The following IGSF10 variants were observed in gnomAD, a reference collection of about 807,000 sequenced individuals.
IGSF10 encodes immunoglobulin superfamily member 10.
In IGSF10, 126 loss-of-function variants were observed where a neutral mutation model predicts 128.2. The ratio of observed to expected loss-of-function variants is 0.98; its 90% CI spans 0.85 to 1.14. IGSF10 has a LOEUF of 1.14. IGSF10 is among the 50% of genes most tolerant of loss of function. IGSF10 has a pLI of 0.00. For missense variants in IGSF10, 3,295 were observed against 3,149.8 expected (o/e 1.05, Z -1.10); for synonymous variants, 1,185 against 1,146.2 (o/e 1.03, Z -0.68).
At chr3:151,613,095 T>C in the IGSF10 span, among the ~76,000 whole-genome samples, 1 of 152,164 alleles carries the variant, frequency 6.6e-6, no homozygotes, top group African/African-American at 2.4e-5. Context: ...TCATAATTGC[T>C]TCAAAGAGAA....
the IGSF10 span, among the ~76,000 whole-genome samples, chr3:151,590,354 A>T: frequency 1.6e-3 from 239 of 150,194 alleles, no homozygotes; most frequent in Middle Eastern, 3.4e-3. Flanking sequence ...TGAGTAATTT[A>T]AAAAAAAATG....
the IGSF10 span, among the ~76,000 whole-genome samples, chr3:151,542,997 A>G: frequency 6.6e-6 from 1 of 152,196 alleles, no homozygotes; most frequent in African/African-American, 2.4e-5. Flanking sequence ...TCGTCTATTG[A>G]TATTTTTGTT....
At chr3:151,524,151 A>G in the IGSF10 span, among the ~76,000 whole-genome samples, 1 of 152,178 alleles carries the variant, frequency 6.6e-6, no homozygotes, top group Non-Finnish European at 1.5e-5. Flanking sequence ...GAGGTTGCAG[A>G]GAAAAGGGAA....
At chr3:151,563,541 T>G in the IGSF10 span, among the ~76,000 whole-genome samples, 131 of 152,276 alleles carry the variant, frequency 8.6e-4, no homozygotes, top group African/African-American at 3.1e-3. Flanking sequence ...AGCCATCAGA[T>G]ACTCAATTGT....
At chr3:151,491,984 G>C in the IGSF10 span, among the ~76,000 whole-genome samples, 2 of 77,522 alleles carry the variant, frequency 2.6e-5, no homozygotes, top group East Asian at 7.9e-4. Context: ...CAAAACCTCA[G>C]ACCACAAAAG....
chr3:151,588,604 C>G, the IGSF10 span, among the ~76,000 whole-genome samples: 1 of 152,120 alleles, frequency 6.6e-6, no homozygotes, highest in Non-Finnish European at 1.5e-5. Context: ...ACGGTGTATA[C>G]AATTTATGAC....
chr3:151,579,884 AAGG>A, the IGSF10 span, among the ~76,000 whole-genome samples: 48 of 150,918 alleles, frequency 3.2e-4, no homozygotes, highest in East Asian at 2.1e-3. Flanking sequence ...GAAAGGAAGG[AAGG>A]AAGGAAGGAA....
chr3:151,479,894 A>C, the IGSF10 span, among the ~76,000 whole-genome samples: 1 of 152,118 alleles, frequency 6.6e-6, no homozygotes, highest in Non-Finnish European at 1.5e-5. Flanking sequence ...ATAGAAACTT[A>C]TTATCATGAA....
At chr3:151,567,202 C>A in the IGSF10 span, among the ~76,000 whole-genome samples, 2 of 152,302 alleles carry the variant, frequency 1.3e-5, no homozygotes, top group Non-Finnish European at 1.5e-5. Flanking sequence ...AAACTTCTAT[C>A]TTCAGTGGTT....
chr3:151,465,903 GCAGT>G (rs892017374), upstream of IGSF10, among the ~76,000 whole-genome samples: 4 of 152,150 alleles, frequency 2.6e-5, no homozygotes, highest in African/African-American at 9.7e-5. Flanking sequence ...GCCAATCCTA[GCAGT>G]CATACTTCAA....
the IGSF10 span, among the ~76,000 whole-genome samples, chr3:151,584,260 A>G: frequency 7.9e-3 from 1,203 of 152,314 alleles, 5 homozygotes; most frequent in Middle Eastern, 0.02. Flanking sequence ...ACATCAGTAT[A>G]TCAAAACCAG....
At chr3:151,573,550 C>T in the IGSF10 span, among the ~76,000 whole-genome samples, 2 of 152,184 alleles carry the variant, frequency 1.3e-5, no homozygotes, top group Non-Finnish European at 1.5e-5. Flanking sequence ...AGGATTGCAA[C>T]CTCTGCTTTT....
the IGSF10 span, among the ~76,000 whole-genome samples, chr3:151,474,894 G>A: frequency 6.6e-6 from 1 of 152,108 alleles, no homozygotes; most frequent in South Asian, 2.1e-4. Context: ...TCACTATCAT[G>A]AGAACAACAT....
chr3:151,452,269 G>A (rs1308261800), intron 5 of IGSF10, among the ~76,000 whole-genome samples: 2 of 152,166 alleles, frequency 1.3e-5, no homozygotes, highest in African/African-American at 4.8e-5. Context: ...ATTTTGTTGT[G>A]CAAACATTAT....
the IGSF10 span, among the ~76,000 whole-genome samples, chr3:151,506,185 C>T: frequency 1.3e-5 from 2 of 152,148 alleles, no homozygotes; most frequent in African/African-American, 4.8e-5. Context: ...GATCTCCTGA[C>T]CTCATGTGCC....
Position 151,447,312 on chromosome 3 carries a change from G to A in IGSF10, c.2669C>T (p.Ser890Leu), listed in dbSNP as rs766191159. 1 of 1,614,088 alleles carries A rather than the reference G, an allele frequency of 6.2e-7. No individual in the cohort carries two copies. The highest frequency in any genetic ancestry group is 1.1e-5 in the South Asian group (1 of 91,094). ...SQIQGTTNQHSSTVFPLLLGA... is the reference protein window; with the variant it reads ...SQIQGTTNQHLSTVFPLLLGA... ...AAGTAGCAGTGGAAAGACAGTGGATGAATGTTGATTGGTTGTGCCTTGTAT... is the reference window on the plus strand; with the variant it reads ...AAGTAGCAGTGGAAAGACAGTGGATAAATGTTGATTGGTTGTGCCTTGTAT... Residue 890 changes from serine (S) to leucine (L), a missense_variant, in exon 6 of 8, where the codon TCA becomes TTA. Coordinates refer to ENST00000282466, the MANE Select transcript of IGSF10 (RefSeq NM_178822.5).
the IGSF10 span, among the ~76,000 whole-genome samples, chr3:151,618,664 A>C: frequency 1.3e-5 from 2 of 151,988 alleles, no homozygotes; most frequent in Non-Finnish European, 2.9e-5. Flanking sequence ...CAGGAGGCGG[A>C]GCTTACAGTG....
At chr3:151,453,344 C>T in intron 5 of IGSF10, 40 bp downstream of exon 5, 1 of 1,501,124 alleles carries the variant, frequency 6.7e-7, no homozygotes, top group Non-Finnish European at 8.9e-7. Flanking sequence ...AGCAGATTTC[C>T]TCCACTTAAT....
chr3:151,612,800 C>A, the IGSF10 span, among the ~76,000 whole-genome samples: 9 of 152,134 alleles, frequency 5.9e-5, no homozygotes, highest in East Asian at 9.6e-4. Flanking sequence ...AGGCAAAGGA[C>A]AGATACTTTT....
Sources: gnomAD v4.1 joint callset for allele counts (sites outside exome capture counted in the v4.1 genomes callset) on GRCh38, gnomAD v4.1.1 for gene constraint, MANE v1.5 for transcripts, NCBI Gene and HGNC (gene_info 2026-07-23, HGNC 2026-07-21) for gene names.